The following ELAVL2 variants were observed in gnomAD, a reference collection of about 807,000 sequenced individuals.
ELAVL2 encodes the protein ELAV-like protein 2.
Under a neutral mutation model 34.6 loss-of-function variants are expected in ELAVL2, and 4 were observed. That is an observed-to-expected ratio of 0.12 (90% CI 0.06 to 0.26). ELAVL2 has a LOEUF of 0.26. Ranked by LOEUF, ELAVL2 falls within the 10% of genes least tolerant of loss-of-function variation. The pLI, the probability that ELAVL2 is intolerant of heterozygous loss-of-function variation, is 1.00. For synonymous variants in ELAVL2, 193 were observed against 154.8 expected, an observed-to-expected ratio of 1.25 and a Z score of -1.83; for missense variants, 432 against 442.8, an observed-to-expected ratio of 0.98 and a Z score of 0.22.
intron 1 of ELAVL2, among the ~76,000 whole-genome samples, chr9:23,814,285 A>G (rs16907806): frequency 0.034 from 5,137 of 152,246 alleles, 265 homozygotes; most frequent in Admixed American, 0.13. Context: ...AACAAAGTGC[A>G]TAAGAGCCAA....
chr9:23,817,374 A>G (rs1156881740), intron 1 of ELAVL2, among the ~76,000 whole-genome samples: 1 of 152,128 alleles, frequency 6.6e-6, no homozygotes, highest in Non-Finnish European at 1.5e-5. Context: ...CTCTTCATAA[A>G]GATTTCTTAC....
rs375674355 is a variant in ELAVL2 at position 23,804,856 on chromosome 9, AG to A, written c.-16+20949del. 3.6e-3 allele frequency among the ~76,000 whole-genome samples: 543 copies of A among 152,332 alleles called. 4 individuals are homozygous for A. Among genetic ancestry groups the A allele is most frequent in the African/African-American group, 0.013 (530 of 41,576 alleles). On this transcript the variant is annotated intron_variant, in intron 1 of 6. Coordinates refer to ENST00000397312, the MANE Select transcript of ELAVL2 (RefSeq NM_004432.5). ...CCTAAGACTTTAGACAATACATCTT[AG>A]CATCAGTTCTGAATGTATATGAAAT...
At chr9:23,720,336 G>C (rs2043353048) in intron 3 of ELAVL2, among the ~76,000 whole-genome samples, 1 of 151,740 alleles carries the variant, frequency 6.6e-6, no homozygotes, top group African/African-American at 2.4e-5. Flanking sequence ...ACCATGTTCG[G>C]CTAATTTTTG....
intron 2 of ELAVL2, among the ~76,000 whole-genome samples, chr9:23,737,675 A>T (rs538522657): frequency 2.0e-5 from 3 of 152,232 alleles, no homozygotes; most frequent in Non-Finnish European, 4.4e-5. Context: ...ATAAAAGGTG[A>T]CTACACTGAT....
intron 3 of ELAVL2, among the ~76,000 whole-genome samples, chr9:23,710,189 C>G (rs1258868270): frequency 2.0e-5 from 3 of 152,196 alleles, no homozygotes; most frequent in African/African-American, 7.2e-5. Flanking sequence ...TAATTAAAAG[C>G]TCATTTCTTC....
At chr9:23,722,511 ACT>A (rs1243025373) in intron 3 of ELAVL2, among the ~76,000 whole-genome samples, 15 of 152,140 alleles carry the variant, frequency 9.9e-5, no homozygotes, top group Admixed American at 9.8e-4. Context: ...AGACAGCTCC[ACT>A]CTCTGGCACC....
chr9:23,766,924 A>C (rs1433714907), intron 1 of ELAVL2, among the ~76,000 whole-genome samples: 1 of 152,198 alleles, frequency 6.6e-6, no homozygotes, highest in Non-Finnish European at 1.5e-5. Flanking sequence ...ATTCCAGTGA[A>C]ACAGAGCCAT....
chr9:23,770,958 G>A (rs2057196551), intron 1 of ELAVL2, among the ~76,000 whole-genome samples: 1 of 152,164 alleles, frequency 6.6e-6, no homozygotes, highest in Non-Finnish European at 1.5e-5. Flanking sequence ...GAGGAGATGA[G>A]TCTAAGAGGT....
intron 3 of ELAVL2, among the ~76,000 whole-genome samples, chr9:23,707,552 G>T (rs978925050): frequency 2.6e-5 from 4 of 152,160 alleles, no homozygotes. Context: ...GCAACCAGCA[G>T]CAGGTGACAG....
chr9:23,733,615 T>C (rs1336198723), intron 2 of ELAVL2, among the ~76,000 whole-genome samples: 1 of 152,220 alleles, frequency 6.6e-6, no homozygotes, highest in Non-Finnish European at 1.5e-5. Context: ...AAACAGTTTA[T>C]TGGCCTCCTG....
intron 5 of ELAVL2, among the ~76,000 whole-genome samples, chr9:23,694,873 C>CGTGT (rs539172313): frequency 2.0e-5 from 3 of 151,656 alleles, no homozygotes; most frequent in Non-Finnish European, 4.4e-5. Flanking sequence ...GTGCGTGGTG[C>CGTGT]GTGTGTGTGT....
intron 1 of ELAVL2, among the ~76,000 whole-genome samples, chr9:23,778,049 A>C (rs145135254): frequency 2.6e-5 from 4 of 152,302 alleles, no homozygotes; most frequent in East Asian, 1.9e-4. Flanking sequence ...AAAACCCCCC[A>C]GAGTGGCTAT....
At chr9:23,731,716 T>C (rs2046604584) in intron 2 of ELAVL2, among the ~76,000 whole-genome samples, 1 of 152,166 alleles carries the variant, frequency 6.6e-6, no homozygotes. Flanking sequence ...GAGGGTTTTA[T>C]GATCTAGATA....
intron 3 of ELAVL2, among the ~76,000 whole-genome samples, chr9:23,725,200 C>T (rs1431880828): frequency 6.6e-6 from 1 of 152,182 alleles, no homozygotes; most frequent in Non-Finnish European, 1.5e-5. Flanking sequence ...GCTCAAAACC[C>T]TCCGGTGCCC....
chr9:23,764,598 A>G (rs2055817768), intron 1 of ELAVL2, among the ~76,000 whole-genome samples: 2 of 152,160 alleles, frequency 1.3e-5, no homozygotes, highest in Non-Finnish European at 2.9e-5. Context: ...CCAGATTTAC[A>G]ATTTCAACTT....
At chr9:23,704,187 C>A (rs1363907387) in intron 4 of ELAVL2, among the ~76,000 whole-genome samples, 1 of 145,124 alleles carries the variant, frequency 6.9e-6, no homozygotes, top group South Asian at 2.4e-4. Context: ...CCTCCTTGGC[C>A]TCCCAAAGTG....
rs184187987 is a variant in ELAVL2 at position 23,750,510 on chromosome 9, T to A, written c.229+11496A>T. Among the ~76,000 whole-genome samples, 9 of 152,228 alleles carry A rather than the reference T, an allele frequency of 5.9e-5. No individual in the cohort carries two copies. In the East Asian group the frequency reaches 1.5e-3, roughly 26 times the overall value. The stretch of plus-strand genomic sequence containing the variant: ...ATATTAGATCCCAAATCATTCTACT[T>A]GAGAAGGTAGTACACTGTCTGCACC... On this transcript the variant is annotated intron_variant, in intron 2 of 6. Transcript: ENST00000397312.
At chr9:23,741,764 C>T (rs560806525) in intron 2 of ELAVL2, among the ~76,000 whole-genome samples, 1 of 137,492 alleles carries the variant, frequency 7.3e-6, no homozygotes, top group South Asian at 2.4e-4. Flanking sequence ...CACTTCTGCA[C>T]GTCTCCCATA....
At chr9:23,847,638 T>C in the ELAVL2 span, among the ~76,000 whole-genome samples, 2 of 152,058 alleles carry the variant, frequency 1.3e-5, no homozygotes, top group Admixed American at 6.6e-5. Flanking sequence ...ATACTGAAAA[T>C]AAAAATGTTT....
Sources: gnomAD v4.1 joint callset for allele counts (sites outside exome capture counted in the v4.1 genomes callset) on GRCh38, gnomAD v4.1.1 for gene constraint, MANE v1.5 for transcripts, NCBI Gene and HGNC (gene_info 2026-07-23, HGNC 2026-07-21) for gene names.